NRP2: variants seen among roughly 807,000 people sequenced by gnomAD.
NRP2 encodes neuropilin 2.
A neutral mutation model predicts 110.4 loss-of-function variants in NRP2; 52 were observed. The observed-to-expected ratio is 0.47, with a 90% CI of 0.38 to 0.59. NRP2 has a LOEUF of 0.59. Ranked by LOEUF, NRP2 falls within the 20% of genes least tolerant of loss-of-function variation. NRP2 has a pLI of 0.00. For missense variants in NRP2, 1,049 were observed against 1,203.0 expected, an observed-to-expected ratio of 0.87 and a Z score of 1.89; for synonymous variants, 508 against 468.9, an observed-to-expected ratio of 1.08 and a Z score of -1.08.
At position 205,763,153 on chromosome 2, in the gene NRP2, G is replaced by A. The variant is rs952685350; in HGVS notation, c.2045-521G>A. On this transcript the variant is annotated intron_variant, in intron 12 of 16. Coordinates refer to ENST00000357785, the MANE Select transcript of NRP2 (RefSeq NM_003872.3). This position sits in a 1 kb window ranked among gnomAD's most constrained non-coding sequence, Gnocchi z 4.0. Reference sequence around the variant, plus strand: ...CTGATGGAGACAGAAGGTTTTAAATGTCAGCCATTTGGACAGTGCCCAGCC... The same window carrying A: ...CTGATGGAGACAGAAGGTTTTAAATATCAGCCATTTGGACAGTGCCCAGCC... 6.6e-6 allele frequency among the ~76,000 whole-genome samples: 1 copy of A among 152,122 alleles called. No homozygotes were observed. Among genetic ancestry groups the A allele is most frequent in the Non-Finnish European group, 1.5e-5 (1 of 68,030 alleles).
intron 15 of NRP2, chr2:205,768,029 A>T (rs2057955715): frequency 6.6e-6 from 1 of 152,314 alleles, no homozygotes; most frequent in African/African-American, 2.4e-5. Context: ...ACTCCAAATC[A>T]TCTCACCCAA....
chr2:205,728,120 G>T, intron 7 of NRP2, 74 bp downstream of exon 7: 1 of 1,556,154 alleles, frequency 6.4e-7, no homozygotes, highest in South Asian at 1.1e-5. Context: ...GCTTTAAGCC[G>T]ACCTCCTACA....
rs570172989 is a variant in NRP2, at chr2:205,772,158, T to G, written c.2425+5355T>G. Among the ~76,000 whole-genome samples the G allele has an allele frequency of 2.0e-5, 3 of 152,348 alleles. No homozygotes were observed. In the South Asian group the frequency reaches 6.2e-4, roughly 32 times the overall value. On this transcript the variant is annotated intron_variant, in intron 15 of 16. Transcript: ENST00000357785. ...GAAAATCACTTGTCCTCTCAAGTACTCAGGTCTCCCTTTGGAGGGTCATGA... is the reference window on the plus strand; with the variant it reads ...GAAAATCACTTGTCCTCTCAAGTACGCAGGTCTCCCTTTGGAGGGTCATGA...
At chr2:205,713,442 T>C (rs564206872) in intron 2 of NRP2, among the ~76,000 whole-genome samples, 1 of 152,228 alleles carries the variant, frequency 6.6e-6, no homozygotes, top group Non-Finnish European at 1.5e-5. Context: ...AACTTCCTTC[T>C]ACATCTGCTA....
intron 7 of NRP2, among the ~76,000 whole-genome samples, chr2:205,735,949 A>G (rs2057334614): frequency 6.6e-6 from 1 of 152,220 alleles, no homozygotes; most frequent in Non-Finnish European, 1.5e-5. Flanking sequence ...TAATTACAAC[A>G]TAATCAACAC....
intron 1 of NRP2, among the ~76,000 whole-genome samples, chr2:205,693,414 C>T (rs1324402767): frequency 6.6e-6 from 1 of 152,080 alleles, no homozygotes; most frequent in African/African-American, 2.4e-5. Context: ...AGGGCAGGAA[C>T]TAGGAGGCCT....
At chr2:205,745,918 T>G in intron 10 of NRP2, 28 bp downstream of exon 10, 1 of 1,613,522 alleles carries the variant, frequency 6.2e-7, no homozygotes, top group Non-Finnish European at 8.5e-7. Context: ...CCTCTTTGCA[T>G]CTCACCCACA....
At chr2:205,780,911 C>T (rs1204431263) in intron 15 of NRP2, among the ~76,000 whole-genome samples, 2 of 152,082 alleles carry the variant, frequency 1.3e-5, no homozygotes, top group Non-Finnish European at 2.9e-5. Context: ...TGTCAGTGAT[C>T]AGAGCATTTT....
chr2:205,744,749 G>A (rs1339447866), intron 9 of NRP2, among the ~76,000 whole-genome samples: 1 of 152,206 alleles, frequency 6.6e-6, no homozygotes, highest in Non-Finnish European at 1.5e-5. Flanking sequence ...CAAGAGTTGG[G>A]TTGGAGGTTT....
Position 205,697,826 on chromosome 2 carries a change from T to A in NRP2, c.251+105T>A, listed in dbSNP as rs1199996667. ...TATCACCCCTCACCCCAAGACCTGC[T>A]GCTAACCAGTGGTGGATCCTGGCCC... On this transcript the variant is annotated intron_variant, in intron 2 of 16. Transcript: ENST00000357785. 1.2e-5 allele frequency: 14 copies of A among 1,127,346 alleles called. 1 individual carries two copies. The Middle Eastern group carries it at 2.8e-3, about 222-fold the overall frequency. The allele number at this position is 1,127,346 out of a possible 1,614,324, so 69.8% of individuals were successfully genotyped here. A position where few individuals can be genotyped will look rare whatever the true frequency, so the allele number is the denominator to read the frequency against.
chr2:205,738,595 C>T (rs1171651478), intron 7 of NRP2, among the ~76,000 whole-genome samples: 1 of 152,160 alleles, frequency 6.6e-6, no homozygotes, highest in Non-Finnish European at 1.5e-5. Flanking sequence ...TTCTTTCCTT[C>T]CCTTTGCTTG....
chr2:205,714,643 T>C (rs849544), intron 2 of NRP2, among the ~76,000 whole-genome samples: 147,320 of 152,308 alleles, frequency 0.97, 71,418 homozygotes, highest in Non-Finnish European at 1. Flanking sequence ...AACCTCACGG[T>C]CTTCTCAATC....
At chr2:205,764,062 ACTGAATGACACT>A in intron 13 of NRP2, 126 bp downstream of exon 13, 1 of 1,154,822 alleles carries the variant, frequency 8.7e-7, no homozygotes, top group Non-Finnish European at 1.2e-6. Flanking sequence ...TGCCATGGCA[ACTGAATGACACT>A]CTTATTTGTT....
At position 205,765,563 on chromosome 2, in the gene NRP2, C is replaced by A; in HGVS notation, c.2397C>A (p.Asn799Lys). 6.2e-7 allele frequency: 1 copy of A among 1,611,874 alleles called. No homozygotes were observed. Among genetic ancestry groups the A allele is most frequent in the Middle Eastern group, 1.7e-4 (1 of 6,056 alleles). Residue 799 changes from asparagine (N) to lysine (K), a missense_variant, in exon 14 of 17, where the codon AAC becomes AAA. Coordinates refer to ENST00000357785, the MANE Select transcript of NRP2 (RefSeq NM_003872.3). ...TAAGCACTGATGTCCCACTGGAGAA[C>A]TGCATGGGTATGTGAATATCTGTCT... Reference protein sequence around the residue: ...IRISTDVPLENCMEPISAFAV... With the variant: ...IRISTDVPLEKCMEPISAFAV...
At chr2:205,744,387 C>T (rs1347397920) in intron 9 of NRP2, among the ~76,000 whole-genome samples, 1 of 152,198 alleles carries the variant, frequency 6.6e-6, no homozygotes, top group Non-Finnish European at 1.5e-5. Context: ...TCGCTGCATT[C>T]CTTTGTATTC....
chr2:205,764,107 C>A (rs148195863), intron 13 of NRP2, 171 bp downstream of exon 13: 1 of 825,678 alleles, frequency 1.2e-6, no homozygotes, highest in African/African-American at 1.7e-5. Flanking sequence ...CCTATCTCTA[C>A]ACCCAGACTT....
chr2:205,763,526 A>G lies in NRP2; in HGVS notation c.2045-148A>G. 1.9e-6 allele frequency: 2 copies of G among 1,033,582 alleles called. No individual in the cohort carries two copies. Among genetic ancestry groups the G allele is most frequent in the South Asian group, 1.4e-5 (1 of 73,708 alleles). The allele number at this position is 1,033,582 out of a possible 1,614,324, so 64.0% of individuals were successfully genotyped here. Reference sequence around the variant, plus strand: ...CAAGGCTCTGAAGGAGCCTTAAGAAAGGGTCACAGAGCCTGGAGAACAAGG... The same window carrying G: ...CAAGGCTCTGAAGGAGCCTTAAGAAGGGGTCACAGAGCCTGGAGAACAAGG... On this transcript the variant is annotated intron_variant, in intron 12 of 16. Transcript: ENST00000357785. This position sits in a 1 kb window ranked among gnomAD's most constrained non-coding sequence, Gnocchi z 4.0.
At chr2:205,695,837 T>C (rs1412046678) in intron 1 of NRP2, among the ~76,000 whole-genome samples, 3 of 151,980 alleles carry the variant, frequency 2.0e-5, no homozygotes, top group African/African-American at 7.3e-5. Context: ...GTTCCCAGCA[T>C]GGGTGAGTGG....
chr2:205,702,879 C>T (rs2056590119), intron 2 of NRP2, among the ~76,000 whole-genome samples: 2 of 152,224 alleles, frequency 1.3e-5, no homozygotes, highest in Admixed American at 6.5e-5. Context: ...TGCAAGCTCC[C>T]ATCTTCCTCC....
Sources: gnomAD v4.1 joint callset for allele counts (sites outside exome capture counted in the v4.1 genomes callset) on GRCh38, gnomAD v4.1.1 for gene constraint, Gnocchi (gnomAD v3.1) non-coding constraint, MANE v1.5 for transcripts, NCBI Gene and HGNC (gene_info 2026-07-23, HGNC 2026-07-21) for gene names.